The following RPL27A variants were observed in gnomAD, a reference collection of about 807,000 sequenced individuals.
RPL27A encodes the protein ribosomal protein L27a.
For missense variants in RPL27A, 118 were observed against 189.4 expected (o/e 0.62, Z 2.21); for synonymous variants, 69 against 68.3 (o/e 1.01, Z -0.05).
At chr11:8,685,626 G>C in intron 4 of RPL27A, 52 bp from the exon 5 acceptor site, 1 of 1,602,610 alleles carries the variant, frequency 6.2e-7, no homozygotes, top group South Asian at 1.1e-5. Context: ...CGCCCATCAC[G>C]CAGTTGGTAC....
At chr11:8,683,977 C>A in intron 2 of RPL27A, 29 bp from the exon 3 acceptor site, 3 of 1,595,942 alleles carry the variant, frequency 1.9e-6, no homozygotes, top group Non-Finnish European at 2.6e-6. Flanking sequence ...GCCATCACAC[C>A]GGCCCCACGT....
Position 8,689,561 on chromosome 11 carries a change from TTTCTC to T in RPL27A, c.*3758_*3762del, listed in dbSNP as rs1487756319. ...ACTTGCCGTTGCTGAAAAGTAATATTTTCTCTTTCGAGAGTTTTCATGGCCTTTTA... is the reference window on the plus strand; with the variant it reads ...ACTTGCCGTTGCTGAAAAGTAATATTTTTCGAGAGTTTTCATGGCCTTTTA... On this transcript the variant is annotated 3_prime_UTR_variant, in exon 5 of 5. Transcript: ENST00000314138. The T allele has an allele frequency of 6.6e-6, 1 of 152,066 alleles. No individual in the cohort carries two copies. The highest frequency in any genetic ancestry group is 2.4e-5 in the African/African-American group (1 of 41,418). 9.4% of individuals were successfully genotyped at this position (152,066 alleles called of 1,614,324 possible).
Position 8,685,798 on chromosome 11 carries a change from G to A in RPL27A, c.439G>A (p.Val147Met), listed in dbSNP as rs768549485. Residue 147 changes from valine to methionine, a missense_variant, in exon 5 of 5, where the codon GTG becomes ATG. By Grantham distance (21) the Val-to-Met change is conservative. Coordinates refer to ENST00000314138, the MANE Select transcript of RPL27A (RefSeq NM_000990.5). ...GAGTGTTGGGGGGGCCTGTGTCCTG[G>A]TGGCTTGAAGCCACATGGAGGGAGT... ...IKSVGGACVL[V>M]A 1.9e-6 allele frequency: 3 copies of A among 1,613,884 alleles called. No homozygotes were observed. The highest frequency in any genetic ancestry group is 1.1e-5 in the South Asian group (1 of 91,076).
chr11:8,689,013 C>G lies in RPL27A; in HGVS notation c.*3207C>G, dbSNP rs570225456. 2 of 152,292 alleles carry G rather than the reference C, an allele frequency of 1.3e-5. No homozygotes were observed. Among genetic ancestry groups the G allele is most frequent in the South Asian group, 2.1e-4 (1 of 4,838 alleles). The allele number at this position is 152,292 out of a possible 1,614,324, so 9.4% of individuals were successfully genotyped here. ...GCTTCTACTTCCGGAGACGATGACT[C>G]CCCCGCGTCCCAGACCGGAAGAAGC... On this transcript the variant is annotated 3_prime_UTR_variant, in exon 5 of 5. Transcript: ENST00000314138.
At chr11:8,683,108 T>G in intron 1 of RPL27A, 94 bp from the exon 2 acceptor site, 2 of 1,336,548 alleles carry the variant, frequency 1.5e-6, no homozygotes, top group South Asian at 2.4e-5. Context: ...AAGTTAGGTC[T>G]TTGACCCACA....
At position 8,689,575 on chromosome 11, in the gene RPL27A, G is replaced by A. The variant is rs2039618896; in HGVS notation, c.*3769G>A. ...AAAAGTAATATTTTCTCTTTCGAGAGTTTTCATGGCCTTTTAAATTACACC... is the reference window on the plus strand; with the variant it reads ...AAAAGTAATATTTTCTCTTTCGAGAATTTTCATGGCCTTTTAAATTACACC... On this transcript the variant is annotated 3_prime_UTR_variant, in exon 5 of 5. Transcript: ENST00000314138. The A allele has an allele frequency of 6.6e-6, 1 of 151,260 alleles. No individual in the cohort carries two copies. Among genetic ancestry groups the A allele is most frequent in the Non-Finnish European group, 1.5e-5 (1 of 67,952 alleles). 9.4% of individuals were successfully genotyped at this position (151,260 alleles called of 1,614,324 possible).
chr11:8,689,220 G>A lies in RPL27A; in HGVS notation c.*3414G>A, dbSNP rs2039616241. ...CCTCGCCGCACTTCGAGCCCCTTTA[G>A]GGTGCGTTTAAGAACAGTGGGCGTG... On this transcript the variant is annotated 3_prime_UTR_variant, in exon 5 of 5. Coordinates refer to ENST00000314138, the MANE Select transcript of RPL27A (RefSeq NM_000990.5). 6.6e-6 allele frequency: 1 copy of A among 152,270 alleles called. No homozygotes were observed. The highest frequency in any genetic ancestry group is 2.1e-4 in the South Asian group (1 of 4,838). 9.4% of individuals were successfully genotyped at this position (152,270 alleles called of 1,614,324 possible). A position where few individuals can be genotyped will look rare whatever the true frequency, so the allele number is the denominator to read the frequency against.
At chr11:8,684,354 T>G (rs754286832) in intron 3 of RPL27A, 1 of 730,152 alleles carries the variant, frequency 1.4e-6, no homozygotes, top group Non-Finnish European at 2.5e-6. Context: ...GTTAGAGACA[T>G]GCTTCACATT....
rs1458129607 is a variant in RPL27A, at chr11:8,689,848, A to G, written c.*4042A>G. On this transcript the variant is annotated 3_prime_UTR_variant, in exon 5 of 5. Coordinates refer to ENST00000314138, the MANE Select transcript of RPL27A (RefSeq NM_000990.5). ...AGGTTATAAGTGTACATGCGAAAAG[A>G]TGTTTTTAACAAAAATGTAACTGAG... 1.3e-5 allele frequency: 2 copies of G among 152,200 alleles called. No homozygotes were observed. Among genetic ancestry groups the G allele is most frequent in the Non-Finnish European group, 2.9e-5 (2 of 68,042 alleles). The allele number at this position is 152,200 out of a possible 1,614,324, so 9.4% of individuals were successfully genotyped here. A position where few individuals can be genotyped will look rare whatever the true frequency, so the allele number is the denominator to read the frequency against.
rs1452475322 is a variant in RPL27A, at chr11:8,683,069, G to C, written c.4-133G>C. ...GAGACCTCACGGCCCTGAGCGGATC[G>C]GTACCCTCAGCTTTCCCAAACGCTC... is the stretch of plus-strand genomic sequence containing the variant. On this transcript the variant is annotated intron_variant, in intron 1 of 4. Transcript: ENST00000314138. The C allele has an allele frequency of 3.0e-6, 3 of 1,004,258 alleles. No individual in the cohort carries two copies. The African/African-American group carries it at 4.8e-5, about 16-fold the overall frequency. The allele number at this position is 1,004,258 out of a possible 1,614,324, so 62.2% of individuals were successfully genotyped here.
At chr11:8,683,721 A>G in intron 2 of RPL27A, 1 of 505,752 alleles carries the variant, frequency 2.0e-6, no homozygotes, top group South Asian at 2.0e-5. Context: ...ACTGTCGCCC[A>G]GGCTGGAGTG....
chr11:8,685,053 G>GA, intron 4 of RPL27A, 161 bp downstream of exon 4: 1 of 729,110 alleles, frequency 1.4e-6, no homozygotes, highest in Non-Finnish European at 2.3e-6. Context: ...CCGTAGCAGT[G>GA]CCTACTGTCA....
intron 1 of RPL27A, 54 bp downstream of exon 1, chr11:8,682,870 G>GTA: frequency 2.0e-5 from 32 of 1,577,950 alleles, no homozygotes; most frequent in Non-Finnish European, 2.7e-5. Context: ...CCCCTAAGCT[G>GTA]TATTCCCATT....
chr11:8,683,076 T>G, intron 1 of RPL27A, 126 bp from the exon 2 acceptor site: 1 of 1,074,268 alleles, frequency 9.3e-7, no homozygotes, highest in South Asian at 1.4e-5. Flanking sequence ...ATCGGTACCC[T>G]CAGCTTTCCC....
Position 8,683,194 on chromosome 11 carries a change from C to T in RPL27A, c.4-8C>T. On this transcript the variant is annotated splice_polypyrimidine_tract_variant and splice_region_variant and intron_variant, in intron 1 of 4. Transcript: ENST00000314138. ...CTTAGGCCTTACCACCAAGCTTTTT[C>T]CACACAGCCATCCAGACTGAGGAAG... is the stretch of plus-strand genomic sequence containing the variant. 2 of 1,614,152 alleles carry T rather than the reference C, an allele frequency of 1.2e-6. No individual in the cohort carries two copies. Among genetic ancestry groups the T allele is most frequent in the Non-Finnish European group, 1.7e-6 (2 of 1,179,944 alleles).
In RPL27A at chr11:8,689,398, T is replaced by C. The variant is rs934448356; in HGVS notation, c.*3592T>C. The C allele has an allele frequency of 4.0e-5, 6 of 149,546 alleles. No homozygotes were observed. The highest frequency in any genetic ancestry group is 8.9e-5 in the Non-Finnish European group (6 of 67,602). The allele number at this position is 149,546 out of a possible 1,614,324, so 9.3% of individuals were successfully genotyped here. A position where few individuals can be genotyped will look rare whatever the true frequency, so the allele number is the denominator to read the frequency against. ...TATTCTAGAAGAACATAAAAGGAAT[T>C]TCCTCTTAGGAGGTTAGGGAAATGA... On this transcript the variant is annotated 3_prime_UTR_variant, in exon 5 of 5. Transcript: ENST00000314138.
At position 8,683,426 on chromosome 11, in the gene RPL27A, A is replaced by G. The variant is rs911996874; in HGVS notation, c.67+161A>G. 3.4e-4 allele frequency: 215 copies of G among 635,392 alleles called. 1 individual carries two copies. Among genetic ancestry groups the G allele is most frequent in the Non-Finnish European group, 5.0e-5 (18 of 360,180 alleles). 39.4% of individuals were successfully genotyped at this position (635,392 alleles called of 1,614,324 possible). On this transcript the variant is annotated intron_variant, in intron 2 of 4. Coordinates refer to ENST00000314138, the MANE Select transcript of RPL27A (RefSeq NM_000990.5). ...GACGATCCTCTAGTATTCCAGTTCT[A>G]AGGAATTTCACATCAGTGGGGTAAT...
At chr11:8,684,593 A>G (rs1424392392) in intron 3 of RPL27A, 125 bp from the exon 4 acceptor site, 4 of 804,400 alleles carry the variant, frequency 5.0e-6, no homozygotes, top group African/African-American at 1.7e-5. Flanking sequence ...CAGATGTATC[A>G]TATGCCTGAC....
rs1211081387 is a variant in RPL27A at position 8,688,274 on chromosome 11, T to C, written c.*2468T>C. 1 of 152,182 alleles carries C rather than the reference T, an allele frequency of 6.6e-6. No homozygotes were observed. Among genetic ancestry groups the C allele is most frequent in the Non-Finnish European group, 1.5e-5 (1 of 68,038 alleles). The allele number at this position is 152,182 out of a possible 1,614,324, so 9.4% of individuals were successfully genotyped here. A position where few individuals can be genotyped will look rare whatever the true frequency, so the allele number is the denominator to read the frequency against. On this transcript the variant is annotated 3_prime_UTR_variant, in exon 5 of 5. Transcript: ENST00000314138. Reference sequence around the variant, plus strand: ...ATAAGGCATGGAAGGAAGTAGAGTTTGGGGGGAAGGATCCCTAGTCCCTTA... The same window carrying C: ...ATAAGGCATGGAAGGAAGTAGAGTTCGGGGGGAAGGATCCCTAGTCCCTTA...
Sources: allele counts gnomAD v4.1 joint callset, GRCh38; gene constraint gnomAD v4.1.1; transcripts MANE v1.5; gene names NCBI Gene and HGNC (gene_info 2026-07-23, HGNC 2026-07-21).